The following GALNT17 variants were observed in gnomAD, a reference collection of about 807,000 sequenced individuals.
GALNT17 encodes UDP-GalNAc:polypeptide N-acetylgalactosaminyltransferase-like 3.
A neutral mutation model predicts 63.7 loss-of-function variants in GALNT17; 29 were observed. That is an observed-to-expected ratio of 0.46 (90% confidence interval 0.34 to 0.62). The LOEUF is 0.62. Among genes scored for constraint, GALNT17 ranks in the 20% least tolerant of loss-of-function variants. The probability of loss-of-function intolerance (pLI) is 0.01; values close to 1 mark genes in which losing one functional copy is unlikely to be tolerated. For missense variants in GALNT17, 603 were observed against 799.6 expected (o/e 0.75, Z 2.97); for synonymous variants, 305 against 318.3 (o/e 0.96, Z 0.45).
intron 1 of GALNT17, among the ~76,000 whole-genome samples, chr7:71,261,560 CA>C (rs1300634243): frequency 6.6e-6 from 1 of 152,130 alleles, no homozygotes; most frequent in African/African-American, 2.4e-5. Context: ...AGAGACACTG[CA>C]AATCATTTGG....
chr7:71,167,866 T>C (rs1788471255), intron 1 of GALNT17, among the ~76,000 whole-genome samples: 1 of 152,084 alleles, frequency 6.6e-6, no homozygotes, highest in Admixed American at 6.6e-5. Context: ...ATTTTTGTTT[T>C]TCCGTGTTGG....
intron 5 of GALNT17, among the ~76,000 whole-genome samples, chr7:71,486,273 A>G (rs1787906746): frequency 6.6e-6 from 1 of 151,560 alleles, no homozygotes; most frequent in Non-Finnish European, 1.5e-5. Flanking sequence ...TGGAGTTTGC[A>G]GTGAGCTGTG....
At chr7:71,547,686 T>C (rs1362888788) in intron 5 of GALNT17, among the ~76,000 whole-genome samples, 1 of 152,128 alleles carries the variant, frequency 6.6e-6, no homozygotes, top group Non-Finnish European at 1.5e-5. Context: ...TTTTCATTGA[T>C]AATGAAAGCA....
intron 6 of GALNT17, among the ~76,000 whole-genome samples, chr7:71,643,518 A>G (rs1790633155): frequency 6.6e-6 from 1 of 152,184 alleles, no homozygotes; most frequent in Admixed American, 6.6e-5. Flanking sequence ...TACAAAAGGG[A>G]AAAAGGGATG....
chr7:71,652,074 CAAAAG>C (rs781203626), intron 6 of GALNT17, among the ~76,000 whole-genome samples: 6 of 152,098 alleles, frequency 3.9e-5, no homozygotes, highest in South Asian at 4.2e-4. Flanking sequence ...CAACAAAAAT[CAAAAG>C]AAAAGAAAAA....
At chr7:71,703,373 G>T (rs1429330681) in intron 9 of GALNT17, among the ~76,000 whole-genome samples, 1 of 152,196 alleles carries the variant, frequency 6.6e-6, no homozygotes. Context: ...ACATCAATGG[G>T]CAAGAGTGGG....
chr7:71,399,201 T>A (rs1224013856), intron 3 of GALNT17, among the ~76,000 whole-genome samples: 1 of 152,128 alleles, frequency 6.6e-6, no homozygotes, highest in Non-Finnish European at 1.5e-5. Context: ...GCCACGGCAC[T>A]CCAGCCTGGG....
intron 1 of GALNT17, among the ~76,000 whole-genome samples, chr7:71,308,525 A>C (rs1791350802): frequency 6.6e-6 from 1 of 152,010 alleles, no homozygotes; most frequent in Admixed American, 6.6e-5. Context: ...TAGGACTTAC[A>C]TCTTCAGCAT....
In GALNT17 at chr7:71,612,140, T is replaced by G. The variant is rs1307630082; in HGVS notation, c.1080+40738T>G. 2.6e-5 allele frequency among the ~76,000 whole-genome samples: 4 copies of G among 152,182 alleles called. No homozygotes were observed. In the East Asian group the frequency reaches 7.7e-4, roughly 29 times the overall value. On this transcript the variant is annotated intron_variant, in intron 6 of 10. Transcript: ENST00000333538. ...TGGAATGTTCCCCCAGTGCAGAAGA[T>G]TTTTTCAAACTTAGACTATGAGAGC... is the stretch of plus-strand genomic sequence containing the variant.
At chr7:71,479,443 A>G (rs1052657331) in intron 5 of GALNT17, among the ~76,000 whole-genome samples, 6 of 152,210 alleles carry the variant, frequency 3.9e-5, no homozygotes, top group South Asian at 2.1e-4. Context: ...TTCCTTGATT[A>G]TAGCTCAGCA....
intron 1 of GALNT17, among the ~76,000 whole-genome samples, chr7:71,313,235 C>T (rs1791441933): frequency 6.6e-6 from 1 of 152,180 alleles, no homozygotes; most frequent in Non-Finnish European, 1.5e-5. Context: ...CCTCTATTGA[C>T]CTTTCAATTC....
At chr7:71,457,350 T>C (rs1787373553) in intron 5 of GALNT17, among the ~76,000 whole-genome samples, 1 of 152,168 alleles carries the variant, frequency 6.6e-6, no homozygotes, top group Non-Finnish European at 1.5e-5. Context: ...TCCCTTGGCT[T>C]TGTGATTCTG....
At chr7:71,475,322 A>G (rs1030203421) in intron 5 of GALNT17, among the ~76,000 whole-genome samples, 1 of 152,174 alleles carries the variant, frequency 6.6e-6, no homozygotes, top group African/African-American at 2.4e-5. Context: ...TATACAACTC[A>G]CCATAATGTA....
At chr7:71,332,667 TTTTG>T (rs761446490) in intron 1 of GALNT17, among the ~76,000 whole-genome samples, 14 of 146,540 alleles carry the variant, frequency 9.6e-5, no homozygotes, top group African/African-American at 1.7e-4. Context: ...TGGTTTGAGT[TTTTG>T]TTTGTTTTTG....
intron 5 of GALNT17, among the ~76,000 whole-genome samples, chr7:71,531,072 ATG>A (rs1291700825): frequency 6.6e-6 from 1 of 152,134 alleles, no homozygotes; most frequent in Non-Finnish European, 1.5e-5. Flanking sequence ...TTATATCAAA[ATG>A]TATTTTTATT....
chr7:71,625,131 C>A (rs57209687), intron 6 of GALNT17, among the ~76,000 whole-genome samples: 236 of 134,790 alleles, frequency 1.8e-3, no homozygotes, highest in African/African-American at 5.6e-3. Context: ...TGGTCTCCAG[C>A]CTTTGTTTTT....
intron 1 of GALNT17, among the ~76,000 whole-genome samples, chr7:71,307,379 A>G (rs1441773577): frequency 2.0e-5 from 3 of 151,970 alleles, no homozygotes; most frequent in Admixed American, 6.5e-5. Context: ...ATTTTTGAGT[A>G]TACGTTTTAC....
intron 6 of GALNT17, among the ~76,000 whole-genome samples, chr7:71,572,926 C>T (rs1789472527): frequency 6.6e-6 from 1 of 152,138 alleles, no homozygotes; most frequent in Non-Finnish European, 1.5e-5. Context: ...TCCTGTCCAC[C>T]AACACCCCTG....
chr7:71,451,900 G>A (rs373890369), intron 5 of GALNT17, among the ~76,000 whole-genome samples: 1 of 151,356 alleles, frequency 6.6e-6, no homozygotes. Flanking sequence ...TTTTTTGTTT[G>A]TTTGTTTTTT....
Sources: gnomAD v4.1 joint callset for allele counts (sites outside exome capture counted in the v4.1 genomes callset) on GRCh38, gnomAD v4.1.1 for gene constraint, MANE v1.5 for transcripts, NCBI Gene and HGNC (gene_info 2026-07-23, HGNC 2026-07-21) for gene names.